The following MPPED2 variants were observed in gnomAD, a reference collection of about 807,000 sequenced individuals.
MPPED2 encodes metallophosphoesterase MPPED2.
Under a neutral mutation model 33.0 loss-of-function variants are expected in MPPED2, and 5 were observed. The observed-to-expected ratio is 0.15, with a 90% CI of 0.08 to 0.32. The LOEUF is 0.32. Ranked by LOEUF, MPPED2 falls within the 10% of genes least tolerant of loss-of-function variation. The probability of loss-of-function intolerance (pLI) is 1.00; values close to 1 mark genes in which losing one functional copy is unlikely to be tolerated. For missense variants in MPPED2, 275 were observed against 372.1 expected (o/e 0.74, Z 2.15); for synonymous variants, 136 against 141.9 (o/e 0.96, Z 0.29).
chr11:30,405,266 C>T (rs1947972377), downstream of MPPED2, among the ~76,000 whole-genome samples: 2 of 152,274 alleles, frequency 1.3e-5, no homozygotes, highest in South Asian at 4.1e-4. Flanking sequence ...AAGTCATCAA[C>T]TAAGGTTGGG....
chr11:30,407,287 G>A (rs1948005501), downstream of MPPED2, among the ~76,000 whole-genome samples: 1 of 152,228 alleles, frequency 6.6e-6, no homozygotes, highest in South Asian at 2.1e-4. Flanking sequence ...AGGTGGAGAG[G>A]AAAGATTGCA....
chr11:30,562,843 T>C lies in MPPED2; in HGVS notation c.128+17403A>G, dbSNP rs184240006. Among the ~76,000 whole-genome samples the C allele has an allele frequency of 2.6e-4, 39 of 152,286 alleles. 1 individual carries two copies. Among genetic ancestry groups the C allele is most frequent in the Admixed American group, 2.5e-3 (38 of 15,278 alleles). On this transcript the variant is annotated intron_variant, in intron 2 of 6. Transcript: ENST00000358117. ...AACCTTGATATTCTATTACCAATAATGCACACATGATTATTTTATTAAATA... is the reference window on the plus strand; with the variant it reads ...AACCTTGATATTCTATTACCAATAACGCACACATGATTATTTTATTAAATA...
chr11:30,451,329 C>T (rs1049271545), intron 4 of MPPED2, among the ~76,000 whole-genome samples: 5 of 152,186 alleles, frequency 3.3e-5, no homozygotes, highest in Non-Finnish European at 7.4e-5. Context: ...GCTTAGGCCC[C>T]TCTTGTCTAA....
intron 5 of MPPED2, 43 bp downstream of exon 5, chr11:30,417,475 A>G: frequency 2.6e-6 from 3 of 1,136,594 alleles, no homozygotes; most frequent in Middle Eastern, 2.0e-4. Flanking sequence ...TGCCTGGAAA[A>G]AAAGGCATCT....
At chr11:30,542,212 T>G (rs917608206) in intron 2 of MPPED2, among the ~76,000 whole-genome samples, 5 of 152,178 alleles carry the variant, frequency 3.3e-5, no homozygotes, top group African/African-American at 1.2e-4. Context: ...TGTTAGATGC[T>G]TAATAGTTTT....
At chr11:30,404,233 C>G (rs151094398) in intron 6 of MPPED2, among the ~76,000 whole-genome samples, 1 of 152,302 alleles carries the variant, frequency 6.6e-6, no homozygotes, top group Non-Finnish European at 1.5e-5. Flanking sequence ...AGTATTTCTC[C>G]AGAGAGCTAT....
intron 2 of MPPED2, among the ~76,000 whole-genome samples, chr11:30,566,727 G>A (rs897172232): frequency 1.3e-5 from 2 of 152,150 alleles, no homozygotes; most frequent in African/African-American, 4.8e-5. Flanking sequence ...TGTGAATACA[G>A]ACAGCAAAAA....
At chr11:30,486,649 T>C (rs922413315) in intron 4 of MPPED2, among the ~76,000 whole-genome samples, 2 of 152,176 alleles carry the variant, frequency 1.3e-5, no homozygotes, top group East Asian at 3.9e-4. Context: ...GAGGCTTTCT[T>C]TGAAAACTCT....
intron 2 of MPPED2, among the ~76,000 whole-genome samples, chr11:30,549,055 A>G (rs1458415009): frequency 6.6e-6 from 1 of 152,220 alleles, no homozygotes; most frequent in Non-Finnish European, 1.5e-5. Flanking sequence ...TTTATAAGCA[A>G]CAAAAAAATA....
chr11:30,536,106 T>C lies in MPPED2; in HGVS notation c.198A>G (p.Thr66=), dbSNP rs140184093. ...GHTRFVCISD[T]HSRTDGIQMP... ...TCTGGATACCATCTGTTCTGGAGTG[T>C]GTGTCTGAGATGCAGACAAACCGCG... Residue 66 remains threonine (T), a synonymous_variant, in exon 3 of 7, where the codon ACA becomes ACG. Transcript: ENST00000358117. 49 of 1,612,980 alleles carry C rather than the reference T, an allele frequency of 3.0e-5. No individual in the cohort carries two copies. The highest frequency in any genetic ancestry group is 3.8e-5 in the Non-Finnish European group (45 of 1,179,626).
chr11:30,442,262 G>A (rs1007167681), intron 4 of MPPED2, among the ~76,000 whole-genome samples: 4 of 152,072 alleles, frequency 2.6e-5, no homozygotes, highest in Admixed American at 1.3e-4. Flanking sequence ...AGAGAACAGA[G>A]AAATAGAGCC....
intron 3 of MPPED2, 110 bp from the exon 4 acceptor site, chr11:30,495,631 A>C (rs574455904): frequency 5.5e-6 from 4 of 723,952 alleles, no homozygotes; most frequent in African/African-American, 5.3e-5. Flanking sequence ...ATAGCTCGCA[A>C]ATTCCTTTAC....
At chr11:30,584,369 CACACACA>C (rs574312821) in intron 1 of MPPED2, 42,928 of 148,728 alleles carry the variant, frequency 0.29, 6,898 homozygotes, top group Admixed American at 0.39. Flanking sequence ...CACACACACA[CACACACA>C]CCACATACAC....
intron 4 of MPPED2, among the ~76,000 whole-genome samples, chr11:30,490,491 G>A (rs963062236): frequency 2.0e-5 from 3 of 152,032 alleles, no homozygotes; most frequent in African/African-American, 7.3e-5. Flanking sequence ...CTGAGGTAAG[G>A]GTGCCCCTAA....
At chr11:30,400,762 A>ATT (rs34695831) in intron 6 of MPPED2, among the ~76,000 whole-genome samples, 1,681 of 145,688 alleles carry the variant, frequency 0.012, 12 homozygotes, top group South Asian at 0.026. Flanking sequence ...ATCATCAAAC[A>ATT]TTTTTTTTTT....
intron 2 of MPPED2, among the ~76,000 whole-genome samples, chr11:30,542,384 T>G (rs1332081974): frequency 7.4e-6 from 1 of 135,156 alleles, no homozygotes; most frequent in Non-Finnish European, 1.5e-5. Flanking sequence ...GAGGCTAAGG[T>G]GGGTGGATTG....
intron 3 of MPPED2, among the ~76,000 whole-genome samples, chr11:30,526,876 A>T (rs987027228): frequency 6.6e-6 from 1 of 151,872 alleles, no homozygotes; most frequent in African/African-American, 2.4e-5. Flanking sequence ...CCAGGTATCA[A>T]TCTCTATTTT....
intron 4 of MPPED2, among the ~76,000 whole-genome samples, chr11:30,432,504 G>C (rs1444942260): frequency 1.3e-5 from 2 of 151,978 alleles, no homozygotes; most frequent in African/African-American, 4.8e-5. Flanking sequence ...TTTCATTTTT[G>C]AAAGGTATCT....
intron 6 of MPPED2, among the ~76,000 whole-genome samples, chr11:30,395,487 T>G (rs1383978151): frequency 6.6e-6 from 1 of 152,190 alleles, no homozygotes; most frequent in Non-Finnish European, 1.5e-5. Context: ...ATTCTGGGGA[T>G]ATGGAGTAGA....
Sources: allele counts gnomAD v4.1 joint callset (sites outside exome capture counted in the v4.1 genomes callset), GRCh38; gene constraint gnomAD v4.1.1; transcripts MANE v1.5; gene names NCBI Gene and HGNC (gene_info 2026-07-23, HGNC 2026-07-21).